Variants in MECOM observed in about 807,000 individuals in gnomAD.
MECOM encodes MDS1 and EVI1 complex locus, also known as histone-lysine N-methyltransferase MECOM.
MECOM carries 13 observed loss-of-function variants against 116.3 expected under a neutral mutation model. The ratio of observed to expected loss-of-function variants is 0.11; its 90% CI spans 0.07 to 0.18. The LOEUF is 0.18. Among genes scored for constraint, MECOM ranks in the 10% least tolerant of loss-of-function variants. The pLI is 1.00. For missense variants in MECOM, 1,299 were observed against 1,509.0 expected, an observed-to-expected ratio of 0.86 and a Z score of 2.31; for synonymous variants, 528 against 535.2, an observed-to-expected ratio of 0.99 and a Z score of 0.19.
At chr3:169,111,374 T>C (rs1346084648) in intron 9 of MECOM, among the ~76,000 whole-genome samples, 1 of 152,172 alleles carries the variant, frequency 6.6e-6, no homozygotes, top group Admixed American at 6.6e-5. Context: ...TACATGAATA[T>C]TATATGTTCA....
At chr3:169,523,911 AT>A (rs1757654496) in intron 1 of MECOM, among the ~76,000 whole-genome samples, 3 of 149,318 alleles carry the variant, frequency 2.0e-5, no homozygotes, top group Admixed American at 6.7e-5. Context: ...CTGTATATGC[AT>A]ATATATGTGT....
intron 1 of MECOM, among the ~76,000 whole-genome samples, chr3:169,543,722 C>G (rs182661016): frequency 7.2e-5 from 11 of 152,210 alleles, no homozygotes; most frequent in Admixed American, 2.0e-4. Context: ...TTAAATTATT[C>G]TGTCTTATAA....
intron 1 of MECOM, among the ~76,000 whole-genome samples, chr3:169,649,226 G>A (rs1297770255): frequency 2.6e-5 from 4 of 151,962 alleles, no homozygotes; most frequent in East Asian, 1.9e-4. Flanking sequence ...TTGGGAGGCT[G>A]AGGCTTGCAG....
chr3:169,265,899 C>T (rs1560065202), intron 2 of MECOM, among the ~76,000 whole-genome samples: 1 of 151,674 alleles, frequency 6.6e-6, no homozygotes, highest in African/African-American at 2.4e-5. Context: ...TGCTATTAAG[C>T]CATTCTTTAC....
At chr3:169,253,417 G>A (rs1756476024) in intron 2 of MECOM, among the ~76,000 whole-genome samples, 3 of 146,680 alleles carry the variant, frequency 2.0e-5, no homozygotes, top group Admixed American at 6.9e-5. Flanking sequence ...TGAGCTATTC[G>A]ACTTCTTTTC....
chr3:169,192,698 A>T (rs930127968), intron 2 of MECOM, among the ~76,000 whole-genome samples: 10 of 152,052 alleles, frequency 6.6e-5, no homozygotes, highest in African/African-American at 2.2e-4. Flanking sequence ...CCAGATTTTC[A>T]TTCCAATTGG....
chr3:169,641,249 C>T (rs529241492), intron 1 of MECOM, among the ~76,000 whole-genome samples: 1 of 152,326 alleles, frequency 6.6e-6, no homozygotes, highest in South Asian at 2.1e-4. Context: ...ACTGGAGGCA[C>T]AGCAGTGAGA....
chr3:169,418,472 C>A (rs560786814), intron 1 of MECOM, among the ~76,000 whole-genome samples: 2 of 152,238 alleles, frequency 1.3e-5, no homozygotes, highest in South Asian at 4.1e-4. Context: ...GCCAATATCC[C>A]GGATGAACAT....
At chr3:169,091,049 C>G (rs1477761773) in intron 14 of MECOM, among the ~76,000 whole-genome samples, 2 of 152,032 alleles carry the variant, frequency 1.3e-5, no homozygotes, top group African/African-American at 4.8e-5. Flanking sequence ...AAAGTCATAT[C>G]ATTATTAAGC....
chr3:169,574,056 A>T (rs1055121834), intron 1 of MECOM, among the ~76,000 whole-genome samples: 2 of 152,242 alleles, frequency 1.3e-5, no homozygotes, highest in African/African-American at 2.4e-5. Context: ...ACAACTCCAT[A>T]CATTTTTATG....
intron 1 of MECOM, among the ~76,000 whole-genome samples, chr3:169,614,335 A>G (rs755788565): frequency 4.0e-5 from 6 of 151,798 alleles, no homozygotes; most frequent in Non-Finnish European, 5.9e-5. Flanking sequence ...TCCTCTAGTG[A>G]AGATCTTTCT....
intron 2 of MECOM, among the ~76,000 whole-genome samples, chr3:169,357,923 C>T (rs1161454215): frequency 1.3e-5 from 2 of 151,606 alleles, no homozygotes; most frequent in African/African-American, 4.8e-5. Flanking sequence ...GTAGACACAC[C>T]ACACACACTT....
intron 1 of MECOM, among the ~76,000 whole-genome samples, chr3:169,562,502 C>T (rs1411781842): frequency 6.6e-6 from 1 of 152,142 alleles, no homozygotes; most frequent in Non-Finnish European, 1.5e-5. Context: ...TGGAGGGGCT[C>T]ACCCTCAAAA....
At chr3:169,571,300 C>T (rs983041315) in intron 1 of MECOM, among the ~76,000 whole-genome samples, 4 of 151,960 alleles carry the variant, frequency 2.6e-5, no homozygotes, top group Non-Finnish European at 5.9e-5. Context: ...TGAAGGACCT[C>T]TTCAAGGAGA....
At chr3:169,643,206 A>G (rs1773722009) in intron 1 of MECOM, among the ~76,000 whole-genome samples, 1 of 152,218 alleles carries the variant, frequency 6.6e-6, no homozygotes, top group Non-Finnish European at 1.5e-5. Context: ...GGAGCCTAAT[A>G]ATTCAACTCC....
At position 169,504,150 on chromosome 3, in the gene MECOM, AGTGTGTGT is replaced by A. The variant is rs3044764; in HGVS notation, c.38-122634_38-122627del. Among the ~76,000 whole-genome samples, 1,284 of 132,702 alleles carry A rather than the reference AGTGTGTGT, an allele frequency of 9.7e-3. 22 individuals are homozygous for A. The highest frequency in any genetic ancestry group is 0.027 in the South Asian group (97 of 3,598). The allele number at this position is 132,702 out of a possible 152,430, so 87.1% of individuals were successfully genotyped here. A position where few individuals can be genotyped will look rare whatever the true frequency, so the allele number is the denominator to read the frequency against. On this transcript the variant is annotated intron_variant, in intron 1 of 16. Coordinates refer to ENST00000651503, the MANE Select transcript of MECOM (RefSeq NM_004991.4). ...CTCTCAAAAAAAAAAGAAAAAGAGA[AGTGTGTGT>A]GTGTGTGTGTGTGTGTGTGTGTGTG...
At chr3:169,505,034 T>A (rs1323457383) in intron 1 of MECOM, among the ~76,000 whole-genome samples, 1 of 152,212 alleles carries the variant, frequency 6.6e-6, no homozygotes, top group Non-Finnish European at 1.5e-5. Context: ...GACTGTTCTC[T>A]AATATAGCAG....
chr3:169,202,316 T>C (rs1391451865), intron 2 of MECOM, among the ~76,000 whole-genome samples: 1 of 152,184 alleles, frequency 6.6e-6, no homozygotes, highest in Non-Finnish European at 1.5e-5. Context: ...ACCAGTGTTA[T>C]TAATGTAATT....
intron 2 of MECOM, among the ~76,000 whole-genome samples, chr3:169,168,490 A>C (rs554730754): frequency 6.6e-6 from 1 of 152,224 alleles, no homozygotes; most frequent in South Asian, 2.1e-4. Flanking sequence ...TTTTACATTA[A>C]AATCCTGTTA....
Sources: gnomAD v4.1 joint callset for allele counts (sites outside exome capture counted in the v4.1 genomes callset) on GRCh38, gnomAD v4.1.1 for gene constraint, MANE v1.5 for transcripts, NCBI Gene and HGNC (gene_info 2026-07-23, HGNC 2026-07-21) for gene names.